Variants in MED12 observed in about 807,000 individuals in gnomAD.
The protein encoded by MED12 is mediator complex subunit 12, also known as mediator of RNA polymerase II transcription subunit 12.
Under a neutral mutation model 177.7 loss-of-function variants are expected in MED12, and 10 were observed. The ratio of observed to expected loss-of-function variants is 0.06; its 90% confidence interval spans 0.03 to 0.10. The LOEUF is 0.10. MED12 is among the 10% of genes least tolerant of loss of function. The pLI is 1.00. For synonymous variants in MED12, 641 were observed against 678.4 expected, an observed-to-expected ratio of 0.94 and a Z score of 0.86; for missense variants, 867 against 1,780.8, an observed-to-expected ratio of 0.49 and a Z score of 9.23.
rs398124198 is a variant in MED12 at position 71,135,199 on chromosome X, T to C, written c.4971T>C (p.Leu1657=). 6.6e-6 allele frequency: 8 copies of C among 1,209,895 alleles called. No homozygotes were observed. In the Admixed American group the frequency reaches 1.5e-4, roughly 23 times the overall value. ...TCACGTGTGAGCCACAGGGCTCCCT[T>C]ATCGATACCAAGGGCAACAAGATTG... ...DVITCEPQGS[L]IDTKGNKIAG... Residue 1657 remains leucine, a synonymous_variant, in exon 36 of 45, where the codon CTT becomes CTC. Transcript: ENST00000374080.
intron 2 of MED12, 43 bp downstream of exon 2, chrX:71,119,520 C>A: frequency 8.8e-7 from 1 of 1,135,640 alleles, no homozygotes; most frequent in Non-Finnish European, 1.2e-6. Context: ...CTGGAAGAAT[C>A]TAAGAAGGAG....
chrX:71,119,650 T>TTC (rs745466330), intron 2 of MED12, 36 bp from the exon 3 acceptor site: 1 of 1,200,087 alleles, frequency 8.3e-7, no homozygotes, highest in Admixed American at 2.2e-5. Flanking sequence ...TGTCTGCCCC[T>TTC]TCTTCCCACC....
Position 71,129,166 on chromosome X carries a change from C to T in MED12, c.3528C>T (p.Leu1176=). 8.3e-7 allele frequency: 1 copy of T among 1,211,598 alleles called. No individual in the cohort carries two copies. The highest frequency in any genetic ancestry group is 1.1e-6 in the Non-Finnish European group (1 of 895,354). The change falls in exon 25 of 45, where the codon CTC becomes CTT. Residue 1176 remains leucine, a synonymous_variant. Coordinates refer to ENST00000374080, the MANE Select transcript of MED12 (RefSeq NM_005120.3). ...EPGARLTCRI[L]LHLFKTPQLN... is the part of the protein sequence containing the mutation. ...GGGCCCGGCTTACCTGCCGCATCCT[C>T]CTTCACCTTTTCAAGACACCGCAGC...
Position 71,137,869 on chromosome X carries a change from C to T in MED12, c.5970C>T (p.His1990=). ...CTACTCTTGTAGATCCTACCCGCCA[C>T]CTGCAACAGCGGCCCAGTGGCTATG... The part of the protein sequence containing the change: ...TNPTLVDPTR[H]LQQRPSGYVH... Residue 1990 remains histidine (H), a synonymous_variant, in exon 41 of 45, where the codon CAC becomes CAT. Coordinates refer to ENST00000374080, the MANE Select transcript of MED12 (RefSeq NM_005120.3). 4 of 1,211,869 alleles carry T rather than the reference C, an allele frequency of 3.3e-6. No individual in the cohort carries two copies. The highest frequency in any genetic ancestry group is 4.5e-6 in the Non-Finnish European group (4 of 895,537).
In MED12 at chrX:71,132,911, A is replaced by G; in HGVS notation, c.4482A>G (p.Glu1494=). Residue 1494 remains glutamate, a synonymous_variant, in exon 32 of 45, where the codon GAA becomes GAG. Transcript: ENST00000374080. The part of the protein sequence containing the change: ...LVLTCLKGQD[E]QREGLLTSLY... The stretch of plus-strand genomic sequence containing the variant: ...TAACATGTCTGAAAGGGCAGGATGA[A>G]CAACGCGAGGGACTCCTTACCTCCC... 4 of 1,189,749 alleles carry G rather than the reference A, an allele frequency of 3.4e-6. No homozygotes were observed. Among genetic ancestry groups the G allele is most frequent in the Non-Finnish European group, 4.5e-6 (4 of 883,844 alleles).
Position 71,122,970 on chromosome X carries a change from A to G in MED12, c.1485+96A>G, listed in dbSNP as rs7053139. 325,130 of 1,145,579 alleles carry G rather than the reference A, an allele frequency of 0.28. 35,569 individuals are homozygous for G. The highest frequency in any genetic ancestry group is 0.41 in the Middle Eastern group (1,738 of 4,188). The allele number at this position is 1,145,579 out of a possible 1,213,427, so 94.4% of individuals were successfully genotyped here. ...TGGTGAGGCATTGAAAGCAGAGCAT[A>G]TCTGCAGAAATGATCTTACTGGGCC... On this transcript the variant is annotated intron_variant, in intron 10 of 44. Transcript: ENST00000374080.
Position 71,136,515 on chromosome X carries a change from C to G in MED12, c.5260C>G (p.Pro1754Ala). The G allele has an allele frequency of 4.2e-6, 5 of 1,202,127 alleles. No individual in the cohort carries two copies. The highest frequency in any genetic ancestry group is 5.6e-6 in the Non-Finnish European group (5 of 890,783). ...LPPEDEEPPAPTLLEPEKKAP... is the reference protein window; with the variant it reads ...LPPEDEEPPAATLLEPEKKAP... ...CCCAGAAGATGAGGAGCCGCCTGCT[C>G]CTACCCTGCTAGAGCCTGAGAAAAA... Residue 1754 changes from proline to alanine, a missense_variant, in exon 37 of 45, where the codon CCT becomes GCT. Pro to Ala is a conservative substitution (Grantham distance 27). Around this residue, in one of 14 missense-constraint regions of MED12, gnomAD observed 236 missense variants for 345.2 expected, o/e 0.68. Coordinates refer to ENST00000374080, the MANE Select transcript of MED12 (RefSeq NM_005120.3).
intron 36 of MED12, among the ~76,000 whole-genome samples, chrX:71,135,483 A>G (rs1210647038): frequency 9.1e-6 from 1 of 109,696 alleles, no homozygotes; most frequent in African/African-American, 3.3e-5. Flanking sequence ...ACCTTTTAAC[A>G]TACCACCCAT....
chrX:71,119,947 T>C (rs2092285309), intron 3 of MED12, 67 bp from the exon 4 acceptor site: 2 of 1,204,430 alleles, frequency 1.7e-6, no homozygotes, highest in Non-Finnish European at 1.1e-6. Flanking sequence ...CCTATTCCCA[T>C]ATTAAGCTAC....
At position 71,141,128 on chromosome X, in the gene MED12, G is replaced by A; in HGVS notation, c.6268-102G>A. The A allele has an allele frequency of 6.9e-6, 8 of 1,156,107 alleles. No homozygotes were observed. The South Asian group carries it at 7.6e-5, about 11-fold the overall frequency. On this transcript the variant is annotated intron_variant, in intron 42 of 44. Transcript: ENST00000374080. ...CTAAAAAGGGAAGGCAGTAGACCCCGAGCTCCCACCCTGCTTCCTCATCCC... is the reference window on the plus strand; with the variant it reads ...CTAAAAAGGGAAGGCAGTAGACCCCAAGCTCCCACCCTGCTTCCTCATCCC...
At chrX:71,132,824 T>A in intron 31 of MED12, 21 bp from the exon 32 acceptor site, 2 of 995,658 alleles carry the variant, frequency 2.0e-6, no homozygotes, top group Non-Finnish European at 2.8e-6. Flanking sequence ...TCTTCTCTTC[T>A]CTTCTTTCTC....
At chrX:71,134,642 G>A (rs2092327627) in intron 34 of MED12, 71 bp from the exon 35 acceptor site, 4 of 1,169,469 alleles carry the variant, frequency 3.4e-6, no homozygotes, top group Non-Finnish European at 4.7e-6. Flanking sequence ...CCCTGCTTGT[G>A]TCCTCTGCTG....
intron 34 of MED12, 95 bp downstream of exon 34, chrX:71,134,561 A>C: frequency 1.1e-6 from 1 of 926,641 alleles, no homozygotes; most frequent in Non-Finnish European, 1.6e-6. Context: ...TGTGGCTGTT[A>C]CTGTGGACTC....
At position 71,129,348 on chromosome X, in the gene MED12, G is replaced by A. The variant is rs1461902470; in HGVS notation, c.3610G>A (p.Asp1204Asn). The change falls in exon 26 of 45, where the codon GAC becomes AAC. Residue 1204 changes from aspartate to asparagine, a missense_variant. Around this residue, in one of 14 missense-constraint regions of MED12, gnomAD observed 21 missense variants for 35.5 expected, o/e 0.59. Transcript: ENST00000374080. Reference sequence around the variant, plus strand: ...TACAGTAGGAATCCGCTCCTCCTGCGACCGCCACCTGCTGGCTGCCTCCCA... The same window carrying A: ...TACAGTAGGAATCCGCTCCTCCTGCAACCGCCACCTGCTGGCTGCCTCCCA... ...KPTVGIRSSC[D>N]RHLLAASQNR... is the part of the protein sequence containing the mutation. 3 of 1,209,245 alleles carry A rather than the reference G, an allele frequency of 2.5e-6. No homozygotes were observed. Among genetic ancestry groups the A allele is most frequent in the South Asian group, 1.8e-5 (1 of 56,931 alleles).
intron 24 of MED12, 28 bp downstream of exon 24, chrX:71,128,746 A>G: frequency 8.3e-7 from 1 of 1,201,632 alleles, no homozygotes; most frequent in Non-Finnish European, 1.1e-6. Flanking sequence ...AACCCCTAGC[A>G]TTTCTAGACC....
Position 71,140,825 on chromosome X carries a change from A to G in MED12, c.6235A>G (p.Ile2079Val), listed in dbSNP as rs200820997. ...QQQQQQQQYH[I>V]RQQQQQQILR... ...GCAGCAGCAGCAGCAGCAGTACCACATCCGGCAGCAGCAGCAGCAGCAGAT... is the reference window on the plus strand; with the variant it reads ...GCAGCAGCAGCAGCAGCAGTACCACGTCCGGCAGCAGCAGCAGCAGCAGAT... The change falls in exon 42 of 45, where the codon ATC becomes GTC. Residue 2079 changes from isoleucine to valine, a missense_variant. Ile to Val is a conservative substitution (Grantham distance 29). Coordinates refer to ENST00000374080, the MANE Select transcript of MED12 (RefSeq NM_005120.3). The G allele has an allele frequency of 1.2e-4, 147 of 1,200,954 alleles. No individual in the cohort carries two copies. Among genetic ancestry groups the G allele is most frequent in the Non-Finnish European group, 2.4e-5 (21 of 892,591 alleles).
At chrX:71,118,916 C>G (rs2092281875) in intron 1 of MED12, 63 bp downstream of exon 1, 2 of 1,007,345 alleles carry the variant, frequency 2.0e-6, no homozygotes, top group East Asian at 6.7e-5. Context: ...GGAGGAGGCA[C>G]TGACGGCTGG....
At position 71,126,479 on chromosome X, in the gene MED12, A is replaced by G. The variant is rs751687978; in HGVS notation, c.2680A>G (p.Ile894Val). Residue 894 changes from isoleucine (I) to valine (V), a missense_variant, in exon 19 of 45, where the codon ATT (isoleucine) becomes GTT (valine). Physicochemically the swap from Ile to Val is conservative, Grantham distance 29. Around this residue, in one of 14 missense-constraint regions of MED12, gnomAD observed 11 missense variants for 61.2 expected, o/e 0.18. Transcript: ENST00000374080. ...LSISGLIDFA[I>V]QLLNELSVVE... ...CATCAGTGGCCTCATCGACTTTGCC[A>G]TTCAGGTGGGGAAGTTGGGGAGATG... is the stretch of plus-strand genomic sequence containing the variant. 1 of 1,212,030 alleles carries G rather than the reference A, an allele frequency of 8.3e-7. No homozygotes were observed. The highest frequency in any genetic ancestry group is 1.1e-6 in the Non-Finnish European group (1 of 895,508).
In MED12 at chrX:71,122,283, C is replaced by A. The variant is rs1215858806; in HGVS notation, c.1185C>A (p.Asp395Glu). ...DSRIKTGSPL[D>E]HLPIAPSNLP... ...GAATTAAGACCGGCTCACCACTTGA[C>A]CACTTGCCTATTGCCCCGTCCAACC... The change falls in exon 8 of 45, where the codon GAC (aspartate) becomes GAA (glutamate). Residue 395 changes from aspartate to glutamate, a missense_variant. Coordinates refer to ENST00000374080, the MANE Select transcript of MED12 (RefSeq NM_005120.3). The A allele has an allele frequency of 8.3e-7, 1 of 1,211,791 alleles. No individual in the cohort carries two copies. The highest frequency in any genetic ancestry group is 1.8e-5 in the South Asian group (1 of 57,018).
Sources: gnomAD v4.1 joint callset for allele counts (sites outside exome capture counted in the v4.1 genomes callset) on GRCh38, gnomAD v4.1.1 for gene constraint, gnomAD v4.1.1 regional missense constraint, MANE v1.5 for transcripts, NCBI Gene and HGNC (gene_info 2026-07-23, HGNC 2026-07-21) for gene names.